The following ZNF609 variants were observed in gnomAD, a reference collection of about 807,000 sequenced individuals.
The protein encoded by ZNF609 is zinc finger protein 609.
A neutral mutation model predicts 109.5 loss-of-function variants in ZNF609; 11 were observed. The observed-to-expected ratio is 0.10, with a 90% CI of 0.06 to 0.17. ZNF609 has a LOEUF of 0.17. ZNF609 is among the 10% of genes least tolerant of loss of function. The probability of loss-of-function intolerance (pLI) is 1.00; values close to 1 mark genes in which losing one functional copy is unlikely to be tolerated. For missense variants in ZNF609, 1,559 were observed against 1,772.4 expected (o/e 0.88, Z 2.16); for synonymous variants, 646 against 662.0 (o/e 0.98, Z 0.37).
Position 64,593,196 on chromosome 15 carries a change from A to G in ZNF609, c.748-29631A>G. On this transcript the variant is annotated intron_variant, in intron 2 of 9. Coordinates refer to ENST00000326648, the MANE Select transcript of ZNF609 (RefSeq NM_015042.2). ...CCCAAGCTGTATGTGAAGCTGCATT[A>G]CTGTGTGAGTTGTGCAATTCACAGC... The G allele has an allele frequency of 2.0e-6, 3 of 1,528,160 alleles. No homozygotes were observed. In the South Asian group the frequency reaches 3.3e-5, roughly 17 times the overall value. 94.7% of individuals were successfully genotyped at this position (1,528,160 alleles called of 1,614,324 possible).
chr15:64,667,353 G>A (rs543244952), intron 3 of ZNF609, among the ~76,000 whole-genome samples: 5 of 152,274 alleles, frequency 3.3e-5, no homozygotes, highest in East Asian at 1.9e-4. Context: ...GTGGGTGGCC[G>A]TAGACAAACA....
At chr15:64,568,377 G>A (rs1013331150) in intron 2 of ZNF609, among the ~76,000 whole-genome samples, 1 of 152,124 alleles carries the variant, frequency 6.6e-6, no homozygotes, top group African/African-American at 2.4e-5. Flanking sequence ...GCAGCAATTG[G>A]TGAGATGGCT....
chr15:64,478,915 ATGT>A (rs1044426477), intron 1 of ZNF609, among the ~76,000 whole-genome samples: 2 of 152,172 alleles, frequency 1.3e-5, no homozygotes, highest in African/African-American at 4.8e-5. Flanking sequence ...ATCCAAGTGT[ATGT>A]TGTTGTTTTC....
chr15:64,479,650 G>A (rs1893223330), intron 1 of ZNF609, among the ~76,000 whole-genome samples: 1 of 152,032 alleles, frequency 6.6e-6, no homozygotes, highest in Non-Finnish European at 1.5e-5. Flanking sequence ...TGGGTGTGGT[G>A]GTTCACGCCT....
At chr15:64,678,551 G>A in intron 6 of ZNF609, 69 bp downstream of exon 6, 4 of 1,514,686 alleles carry the variant, frequency 2.6e-6, no homozygotes, top group Non-Finnish European at 3.5e-6. Flanking sequence ...TTCACATCCA[G>A]AGTTTTCTTG....
At chr15:64,557,509 G>A (rs1490558756) in intron 2 of ZNF609, among the ~76,000 whole-genome samples, 2 of 151,992 alleles carry the variant, frequency 1.3e-5, no homozygotes, top group Non-Finnish European at 1.5e-5. Flanking sequence ...TAATTCTATC[G>A]AGGGCTGAAA....
intron 4 of ZNF609, among the ~76,000 whole-genome samples, chr15:64,672,553 A>T (rs1896748526): frequency 6.9e-6 from 1 of 144,668 alleles, no homozygotes; most frequent in South Asian, 2.2e-4. Context: ...TGAACCAGGG[A>T]GTTGGAGGTT....
chr15:64,654,499 T>C (rs1896462145), intron 3 of ZNF609: 1 of 152,024 alleles, frequency 6.6e-6, no homozygotes, highest in Non-Finnish European at 1.5e-5. Flanking sequence ...GGGAGTCTTG[T>C]AATGTTGACC....
intron 3 of ZNF609, among the ~76,000 whole-genome samples, chr15:64,651,421 T>A (rs914291987): frequency 5.9e-5 from 9 of 152,196 alleles, no homozygotes; most frequent in African/African-American, 2.2e-4. Flanking sequence ...CTGAAAGAGA[T>A]CACTTTTGGC....
intron 2 of ZNF609, among the ~76,000 whole-genome samples, chr15:64,564,918 G>A (rs1595720094): frequency 6.6e-6 from 1 of 150,874 alleles, no homozygotes; most frequent in East Asian, 1.9e-4. Flanking sequence ...TGCGATCTCC[G>A]CTCACTGCAA....
chr15:64,470,562 C>G (rs538076774), intron 1 of ZNF609: 1 of 152,122 alleles, frequency 6.6e-6, no homozygotes, highest in African/African-American at 2.4e-5. Flanking sequence ...CGCTCTGTTG[C>G]CCAGGCTGGA....
At chr15:64,609,140 C>CT (rs1230899189) in intron 2 of ZNF609, among the ~76,000 whole-genome samples, 8 of 109,796 alleles carry the variant, frequency 7.3e-5, no homozygotes, top group Admixed American at 5.0e-4. Context: ...TTTTTTCTTT[C>CT]TTTTTTTTCT....
chr15:64,583,360 AAATT>A (rs1287557967), intron 2 of ZNF609, among the ~76,000 whole-genome samples: 1 of 151,896 alleles, frequency 6.6e-6, no homozygotes, highest in Non-Finnish European at 1.5e-5. Context: ...TAAAAAATAA[AAATT>A]AAATTAAATT....
chr15:64,685,839 G>A lies in ZNF609; in HGVS notation c.*4153G>A, dbSNP rs1280900860. On this transcript the variant is annotated 3_prime_UTR_variant, in exon 10 of 10. Coordinates refer to ENST00000326648, the MANE Select transcript of ZNF609 (RefSeq NM_015042.2). Reference sequence around the variant, plus strand: ...GCTACCCCATCAGAACAAGGGCTAAGGGTTTATGGGTCAAGAGTATTTGAT... The same window carrying A: ...GCTACCCCATCAGAACAAGGGCTAAAGGTTTATGGGTCAAGAGTATTTGAT... 1 of 152,312 alleles carries A rather than the reference G, an allele frequency of 6.6e-6. No individual in the cohort carries two copies. Among genetic ancestry groups the A allele is most frequent in the Non-Finnish European group, 1.5e-5 (1 of 68,056 alleles). The allele number at this position is 152,312 out of a possible 1,614,324, so 9.4% of individuals were successfully genotyped here.
At chr15:64,645,008 T>TCTTTCTTTCTTCCTTC (rs1311156425) in intron 3 of ZNF609, among the ~76,000 whole-genome samples, 6 of 140,152 alleles carry the variant, frequency 4.3e-5, no homozygotes, top group South Asian at 2.2e-4. Flanking sequence ...TTTCTTTCTT[T>TCTTTCTTTCTTCCTTC]CTTCCTTCCT....
intron 2 of ZNF609, among the ~76,000 whole-genome samples, chr15:64,569,178 A>T (rs1200302857): frequency 1.3e-5 from 2 of 152,168 alleles, no homozygotes; most frequent in Non-Finnish European, 2.9e-5. Context: ...ATCTAATCTA[A>T]AATAACTTCC....
At chr15:64,637,382 C>A (rs996846361) in intron 3 of ZNF609, among the ~76,000 whole-genome samples, 1 of 152,206 alleles carries the variant, frequency 6.6e-6, no homozygotes, top group Non-Finnish European at 1.5e-5. Context: ...ACTATATATA[C>A]ATATTCCTAT....
chr15:64,596,898 A>G (rs1340635417), intron 2 of ZNF609, among the ~76,000 whole-genome samples: 1 of 152,168 alleles, frequency 6.6e-6, no homozygotes, highest in East Asian at 1.9e-4. Flanking sequence ...TACGGCACAA[A>G]TCCTGAAGAG....
chr15:64,492,270 ATG>A (rs1319994222), intron 1 of ZNF609, among the ~76,000 whole-genome samples: 2 of 152,112 alleles, frequency 1.3e-5, no homozygotes, highest in Non-Finnish European at 2.9e-5. Context: ...AAAAAGCCAC[ATG>A]TGAAGGTAGG....
Sources: gnomAD v4.1 joint callset for allele counts (sites outside exome capture counted in the v4.1 genomes callset) on GRCh38, gnomAD v4.1.1 for gene constraint, MANE v1.5 for transcripts, NCBI Gene and HGNC (gene_info 2026-07-23, HGNC 2026-07-21) for gene names.